The following LONRF1 variants were observed in gnomAD, a reference collection of about 807,000 sequenced individuals.
LONRF1 encodes the protein LON peptidase N-terminal domain and RING finger protein 1.
A neutral mutation model predicts 85.8 loss-of-function variants in LONRF1; 37 were observed. The observed-to-expected ratio is 0.43, with a 90% CI of 0.33 to 0.57. The LOEUF (loss-of-function observed/expected upper bound fraction) is 0.57, where lower values mean the gene tolerates loss of function less well. Ranked by LOEUF, LONRF1 falls within the 20% of genes least tolerant of loss-of-function variation. The pLI is 0.04. For missense variants in LONRF1, 1,036 were observed against 978.0 expected (o/e 1.06, Z -0.79); for synonymous variants, 517 against 390.1 (o/e 1.33, Z -3.83).
chr8:12,729,984 A>G (rs1466593310), intron 8 of LONRF1, among the ~76,000 whole-genome samples: 2 of 152,204 alleles, frequency 1.3e-5, no homozygotes, highest in Non-Finnish European at 2.9e-5. Flanking sequence ...ACGCTAAAGA[A>G]CATGGCTACA....
chr8:12,728,243 G>C (rs1440302307), intron 10 of LONRF1, among the ~76,000 whole-genome samples: 1 of 151,984 alleles, frequency 6.6e-6, no homozygotes, highest in African/African-American at 2.4e-5. Flanking sequence ...AGGTAAACTG[G>C]GTATTGCAAA....
chr8:12,742,852 A>C (rs1471090398), intron 2 of LONRF1, among the ~76,000 whole-genome samples: 6 of 152,166 alleles, frequency 3.9e-5, no homozygotes, highest in Admixed American at 6.5e-5. Context: ...CAGCCTCTCG[A>C]GTAGTTGGGA....
Position 12,739,577 on chromosome 8 carries a change from CAA to C in LONRF1, c.963+1295_963+1296del, listed in dbSNP as rs146987062. Among the ~76,000 whole-genome samples the C allele has an allele frequency of 2.1e-3, 325 of 152,194 alleles. 1 individual carries two copies. Among genetic ancestry groups the C allele is most frequent in the Admixed American group, 5.5e-3 (84 of 15,286 alleles). ...CTGTTACACAGGTACATACATTTTT[CAA>C]AACTCACTGACGTGTAAAATCCATG... On this transcript the variant is annotated intron_variant, in intron 3 of 11. Transcript: ENST00000398246.
At chr8:12,731,224 C>T (rs902363078) in intron 8 of LONRF1, among the ~76,000 whole-genome samples, 1 of 152,160 alleles carries the variant, frequency 6.6e-6, no homozygotes, top group East Asian at 1.9e-4. Flanking sequence ...CCTCCCGACA[C>T]CAACTCAGTT....
chr8:12,742,264 T>C (rs972527145), intron 2 of LONRF1, among the ~76,000 whole-genome samples: 6 of 152,218 alleles, frequency 3.9e-5, no homozygotes, highest in Non-Finnish European at 8.8e-5. Flanking sequence ...CTTACTACAC[T>C]GTCCTCAAAG....
intron 10 of LONRF1, 105 bp from the exon 11 acceptor site, chr8:12,725,984 C>A: frequency 9.9e-7 from 1 of 1,013,204 alleles, no homozygotes; most frequent in Non-Finnish European, 1.5e-6. Flanking sequence ...CAGGGCAATA[C>A]CTGTTTCAGT....
chr8:12,738,600 T>TA (rs1213453509), intron 3 of LONRF1: 1 of 152,368 alleles, frequency 6.6e-6, no homozygotes, highest in African/African-American at 2.4e-5. Flanking sequence ...TCCCTGTACT[T>TA]ACACTCAATT....
At chr8:12,741,044 T>A in intron 2 of LONRF1, 48 bp from the exon 3 acceptor site, 1 of 1,594,828 alleles carries the variant, frequency 6.3e-7, no homozygotes, top group Non-Finnish European at 8.5e-7. Context: ...GAATTGCTTT[T>A]TAAAAAATCA....
rs148861281 is a variant in LONRF1 at position 12,745,460 on chromosome 8, A to C, written c.722-2178T>G. ...CGCTAAATGAGCCCCTTTGAAAAGC[A>C]TACACAAGGTCTGCCTTCCACGTAA... On this transcript the variant is annotated intron_variant, in intron 1 of 11. Coordinates refer to ENST00000398246, the MANE Select transcript of LONRF1 (RefSeq NM_152271.5). 2.6e-3 allele frequency among the ~76,000 whole-genome samples: 392 copies of C among 152,322 alleles called. 4 individuals carry two copies. The highest frequency in any genetic ancestry group is 8.7e-3 in the African/African-American group (363 of 41,564).
chr8:12,729,535 C>A lies in LONRF1; in HGVS notation c.1689-203G>T, dbSNP rs145771977. ...AGCTCACACTGATGAAATATTAATA[C>A]TGAAAATCTGCTGTGATCCTCTTAT... On this transcript the variant is annotated intron_variant, in intron 8 of 11. Coordinates refer to ENST00000398246, the MANE Select transcript of LONRF1 (RefSeq NM_152271.5). 6.4e-5 allele frequency: 33 copies of A among 511,994 alleles called. No individual in the cohort carries two copies. The East Asian group carries it at 1.0e-3, about 16-fold the overall frequency. The allele number at this position is 511,994 out of a possible 1,614,324, so 31.7% of individuals were successfully genotyped here. A position where few individuals can be genotyped will look rare whatever the true frequency, so the allele number is the denominator to read the frequency against.
At chr8:12,733,820 A>C (rs1798619003) in intron 7 of LONRF1, among the ~76,000 whole-genome samples, 1 of 152,180 alleles carries the variant, frequency 6.6e-6, no homozygotes, top group Non-Finnish European at 1.5e-5. Flanking sequence ...AAAATGTAAA[A>C]CTGAACAGCA....
chr8:12,753,902 CTCA>C (rs143142577), intron 1 of LONRF1: 12,628 of 152,388 alleles, frequency 0.083, 703 homozygotes, highest in Non-Finnish European at 0.12. Flanking sequence ...GGCAGCCCCT[CTCA>C]TCTTTACCAT....
rs1258792257 is a variant in LONRF1 at position 12,754,711 on chromosome 8, G to T, written c.710C>A (p.Ala237Glu). 1 of 1,383,986 alleles carries T rather than the reference G, an allele frequency of 7.2e-7. No individual in the cohort carries two copies. The highest frequency in any genetic ancestry group is 9.3e-7 in the Non-Finnish European group (1 of 1,078,870). The allele number at this position is 1,383,986 out of a possible 1,614,324, so 85.7% of individuals were successfully genotyped here. A position where few individuals can be genotyped will look rare whatever the true frequency, so the allele number is the denominator to read the frequency against. ...CCCCGCGCGGTCACCTGCTCGCAGC[G>T]CCTCGCAGGCGGCGGCCAGGGCCTC... ...YREALAAACEALRAEPSDLIV... is the reference protein window; with the variant it reads ...YREALAAACEELRAEPSDLIV... Residue 237 changes from alanine (A) to glutamate (E), a missense_variant, in exon 1 of 12, where the codon GCG becomes GAG. Ala to Glu is a moderately radical substitution (Grantham distance 107, BLOSUM62 -1). Around this residue, in one of 3 missense-constraint regions of LONRF1, gnomAD observed 742 missense variants for 614.4 expected, o/e 1.21. Transcript: ENST00000398246.
chr8:12,743,161 T>C lies in LONRF1; in HGVS notation c.840+3A>G. On this transcript the variant is annotated splice_donor_region_variant and intron_variant, in intron 2 of 11. Transcript: ENST00000398246. ...TTATGCAAACATAAAACAGTAATTTTACCTCAGGCCAATCTGGAAGTTGAA... is the reference window on the plus strand; with the variant it reads ...TTATGCAAACATAAAACAGTAATTTCACCTCAGGCCAATCTGGAAGTTGAA... The C allele has an allele frequency of 6.3e-7, 1 of 1,578,920 alleles. No homozygotes were observed. The highest frequency in any genetic ancestry group is 8.7e-7 in the Non-Finnish European group (1 of 1,148,802).
intron 7 of LONRF1, among the ~76,000 whole-genome samples, 185 bp downstream of exon 7, chr8:12,735,101 C>G (rs1798668484): frequency 6.6e-6 from 1 of 152,090 alleles, no homozygotes. Flanking sequence ...TTCTTTCTCC[C>G]CATCCTCTTC....
chr8:12,755,512 G>C lies in LONRF1; in HGVS notation c.-92C>G, dbSNP rs1427598916. 1 of 579,804 alleles carries C rather than the reference G, an allele frequency of 1.7e-6. No homozygotes were observed. The highest frequency in any genetic ancestry group is 2.2e-6 in the Non-Finnish European group (1 of 460,746). The allele number at this position is 579,804 out of a possible 1,614,324, so 35.9% of individuals were successfully genotyped here. A position where few individuals can be genotyped will look rare whatever the true frequency, so the allele number is the denominator to read the frequency against. On this transcript the variant is annotated 5_prime_UTR_variant, in exon 1 of 12. Coordinates refer to ENST00000398246, the MANE Select transcript of LONRF1 (RefSeq NM_152271.5). ...CCGCACGCGGCCCGCGAGCAGGGGG[G>C]CGTGGCGCGCGGACACGGCGGGGCT...
intron 8 of LONRF1, among the ~76,000 whole-genome samples, chr8:12,731,424 C>T (rs941757846): frequency 3.9e-5 from 6 of 152,182 alleles, no homozygotes; most frequent in Non-Finnish European, 7.3e-5. Context: ...GAGCCGCCAT[C>T]ACCACCAATG....
intron 10 of LONRF1, among the ~76,000 whole-genome samples, chr8:12,726,158 G>GT (rs1220911994): frequency 2.0e-5 from 3 of 152,222 alleles, no homozygotes; most frequent in Admixed American, 2.0e-4. Context: ...AGTGGGAAGA[G>GT]TAAGATTGAG....
chr8:12,746,945 C>A (rs367765942), intron 1 of LONRF1, among the ~76,000 whole-genome samples: 3 of 152,112 alleles, frequency 2.0e-5, no homozygotes, highest in Non-Finnish European at 4.4e-5. Context: ...GAAAGCATGG[C>A]GTGTTTGCTA....
Sources: gnomAD v4.1 joint callset for allele counts (sites outside exome capture counted in the v4.1 genomes callset) on GRCh38, gnomAD v4.1.1 for gene constraint, gnomAD v4.1.1 regional missense constraint, MANE v1.5 for transcripts, NCBI Gene and HGNC (gene_info 2026-07-23, HGNC 2026-07-21) for gene names.